Variants in TBP observed in about 807,000 individuals in gnomAD.
The protein encoded by TBP is TATA-box binding protein.
A neutral mutation model predicts 46.2 loss-of-function variants in TBP; 12 were observed. The observed-to-expected ratio is 0.26, with a 90% confidence interval of 0.17 to 0.42. The LOEUF (loss-of-function observed/expected upper bound fraction) is 0.42. Ranked by LOEUF, TBP falls within the 10% of genes least tolerant of loss-of-function variation. TBP has a pLI of 1.00. For synonymous variants in TBP, 157 were observed against 148.3 expected, an observed-to-expected ratio of 1.06 and a Z score of -0.42; for missense variants, 229 against 403.1, an observed-to-expected ratio of 0.57 and a Z score of 3.70.
rs1015371268 is a variant in TBP at position 170,563,131 on chromosome 6, T to C, written c.497+898T>C. On this transcript the variant is annotated intron_variant, in intron 3 of 7. Coordinates refer to ENST00000392092, the MANE Select transcript of TBP (RefSeq NM_003194.5). ...ACACACAATTTTAAAAACAAAGTAATTTTAGTGATTTTAGAGAGAGCCCTT... is the reference window on the plus strand; with the variant it reads ...ACACACAATTTTAAAAACAAAGTAACTTTAGTGATTTTAGAGAGAGCCCTT... Among the ~76,000 whole-genome samples, 6 of 152,326 alleles carry C rather than the reference T, an allele frequency of 3.9e-5. No individual in the cohort carries two copies. The South Asian group carries it at 1.2e-3, about 32-fold the overall frequency.
At chr6:170,555,199 G>A (rs116503181) in intron 1 of TBP, among the ~76,000 whole-genome samples, 3,409 of 152,202 alleles carry the variant, frequency 0.022, 142 homozygotes, top group African/African-American at 0.079. Context: ...GCAAAAAGTG[G>A]CCTGAAGCCA....
Position 170,561,969 on chromosome 6 carries a change from AGCAG to A in TBP, c.234_237del (p.Gln78HisfsTer65). On this transcript the variant is annotated frameshift_variant, in exon 3 of 8. Transcript: ENST00000392092. LOFTEE classifies it high-confidence loss of function. ...CAGCAGCAACAGCAACAGCAGCAGCAGCAGCAGCAGCAGCAGCAGCAGCAGCAGC... is the reference window on the plus strand; with the variant it reads ...CAGCAGCAACAGCAACAGCAGCAGCACAGCAGCAGCAGCAGCAGCAGCAGC... 6 of 1,094,020 alleles carry A rather than the reference AGCAG, an allele frequency of 5.5e-6. No homozygotes were observed. The South Asian group carries it at 1.1e-4, about 19-fold the overall frequency. 67.8% of individuals were successfully genotyped at this position (1,094,020 alleles called of 1,614,324 possible).
chr6:170,572,463 C>T lies in TBP; in HGVS notation c.*198C>T, dbSNP rs980597737. 2.0e-5 allele frequency: 12 copies of T among 596,496 alleles called. No homozygotes were observed. The highest frequency in any genetic ancestry group is 3.1e-4 in the Middle Eastern group (1 of 3,272). The allele number at this position is 596,496 out of a possible 1,614,324, so 37.0% of individuals were successfully genotyped here. ...GGCATTATTTGTGCACTGAGAACAC[C>T]GCGCAGCGTGACTGTGAGTTGCTCA... On this transcript the variant is annotated 3_prime_UTR_variant, in exon 8 of 8. Coordinates refer to ENST00000392092, the MANE Select transcript of TBP (RefSeq NM_003194.5).
chr6:170,567,029 T>C lies in TBP; in HGVS notation c.677+20T>C, dbSNP rs752841089. On this transcript the variant is annotated intron_variant, in intron 5 of 7. Transcript: ENST00000392092. Reference sequence around the variant, plus strand: ...CAAGAGGTAGCCGTAAGAAATTCATTCTTCTGGTCTATGGGTTATGAATGA... The same window carrying C: ...CAAGAGGTAGCCGTAAGAAATTCATCCTTCTGGTCTATGGGTTATGAATGA... 6.2e-6 allele frequency: 10 copies of C among 1,603,794 alleles called. No homozygotes were observed. Among genetic ancestry groups the C allele is most frequent in the Non-Finnish European group, 7.7e-6 (9 of 1,172,586 alleles).
rs139744657 is a variant in TBP, at chr6:170,571,676, G to A, written c.940+172G>A. On this transcript the variant is annotated intron_variant, in intron 7 of 7. Transcript: ENST00000392092. ...GCCCACTAAAGGCACAGTGAGAGCA[G>A]GGAAGTCTGACCACAGCTCTGCAAG... Among the ~76,000 whole-genome samples, 19 of 152,254 alleles carry A rather than the reference G, an allele frequency of 1.2e-4. No individual in the cohort carries two copies. In the East Asian group the frequency reaches 2.9e-3, roughly 23 times the overall value.
chr6:170,562,299 T>G, intron 3 of TBP, 66 bp downstream of exon 3: 1 of 1,488,054 alleles, frequency 6.7e-7, no homozygotes, highest in Non-Finnish European at 9.2e-7. Flanking sequence ...TCCTGCTCTG[T>G]TTTCAGATGG....
chr6:170,555,211 C>G (rs754456819), intron 1 of TBP, among the ~76,000 whole-genome samples: 1 of 152,174 alleles, frequency 6.6e-6, no homozygotes, highest in Non-Finnish European at 1.5e-5. Flanking sequence ...CTGAAGCCAC[C>G]GAAGGTCCTG....
chr6:170,572,035 A>C, intron 7 of TBP, 151 bp from the exon 8 acceptor site: 1 of 677,894 alleles, frequency 1.5e-6, no homozygotes, highest in Non-Finnish European at 2.6e-6. Context: ...GTGACAAGGG[A>C]TTCCACTATT....
intron 1 of TBP, among the ~76,000 whole-genome samples, chr6:170,555,373 A>G (rs1398075481): frequency 6.6e-6 from 1 of 152,218 alleles, no homozygotes; most frequent in African/African-American, 2.4e-5. Context: ...TTCATACTGC[A>G]CTTCCGAAAT....
chr6:170,571,470 C>T lies in TBP; in HGVS notation c.906C>T (p.Leu302=). 6.2e-7 allele frequency: 1 copy of T among 1,613,882 alleles called. No homozygotes were observed. The change falls in exon 7 of 8, where the codon CTC becomes CTT. Residue 302 remains leucine (L), a synonymous_variant. Coordinates refer to ENST00000392092, the MANE Select transcript of TBP (RefSeq NM_003194.5). ...IYRMIKPRIV[L]LIFVSGKVVL... ...GAATGATCAAACCCAGAATTGTTCT[C>T]CTTATTTTTGTTTCTGGAAAAGTTG...
rs1491092074 is a variant in TBP at position 170,561,939 on chromosome 6, AGC to A, written c.204_205del (p.Gln69AlafsTer108). ...CAGCAACAACAACAGCAGCAGCAGC[AGC>A]AGCAGCAGCAACAGCAACAGCAGCA... On this transcript the variant is annotated frameshift_variant, in exon 3 of 8. Transcript: ENST00000392092. LOFTEE classifies it high-confidence loss of function. The A allele has an allele frequency of 1.9e-5, 30 of 1,589,272 alleles. No homozygotes were observed. Among genetic ancestry groups the A allele is most frequent in the Non-Finnish European group, 2.5e-5 (29 of 1,170,506 alleles).
At position 170,569,690 on chromosome 6, in the gene TBP, C is replaced by A. The variant is rs759710446; in HGVS notation, c.756C>A (p.Asp252Glu). The A allele has an allele frequency of 6.2e-7, 1 of 1,614,088 alleles. No individual in the cohort carries two copies. The highest frequency in any genetic ancestry group is 1.1e-5 in the South Asian group (1 of 91,078). The change falls in exon 6 of 8, where the codon GAC becomes GAA. Residue 252 changes from aspartate (D) to glutamate (E), a missense_variant. Asp to Glu is a conservative substitution (Grantham distance 45, BLOSUM62 2). Coordinates refer to ENST00000392092, the MANE Select transcript of TBP (RefSeq NM_003194.5). ...QKLGFPAKFL[D>E]FKIQNMVGSC... The stretch of plus-strand genomic sequence containing the variant: ...TGGGTTTTCCAGCTAAGTTCTTGGA[C>A]TTCAAGATTCAGAATATGGTGGGGA...
At chr6:170,564,462 G>T (rs918327242) in intron 3 of TBP, 83 bp from the exon 4 acceptor site, 2 of 915,708 alleles carry the variant, frequency 2.2e-6, no homozygotes, top group Admixed American at 2.5e-5. Context: ...GAAATAATCA[G>T]ATGTCTGCAT....
At chr6:170,569,855 AT>A in intron 6 of TBP, 76 bp downstream of exon 6, 1 of 1,368,858 alleles carries the variant, frequency 7.3e-7, no homozygotes, top group Non-Finnish European at 1.0e-6. Context: ...AATAAAACAC[AT>A]GCAAAATATT....
chr6:170,568,763 C>G (rs1187023189), intron 5 of TBP, among the ~76,000 whole-genome samples: 3 of 146,122 alleles, frequency 2.1e-5, no homozygotes, highest in Middle Eastern at 3.5e-3. Flanking sequence ...TGCCTGCCTG[C>G]CTTTTTCTCT....
chr6:170,563,527 A>G (rs1422097296), intron 3 of TBP, among the ~76,000 whole-genome samples: 2 of 152,244 alleles, frequency 1.3e-5, no homozygotes, highest in Non-Finnish European at 2.9e-5. Flanking sequence ...AAGTGGACAA[A>G]TGCTAAAGGC....
In TBP at chr6:170,558,986, A is replaced by G. The variant is rs138627335; in HGVS notation, c.54+1903A>G. ...AGGCATGAGCCACTGTGCCTAGTCAAACCTTTTCATTATTATCTGTTATTG... is the reference window on the plus strand; with the variant it reads ...AGGCATGAGCCACTGTGCCTAGTCAGACCTTTTCATTATTATCTGTTATTG... On this transcript the variant is annotated intron_variant, in intron 2 of 7. Transcript: ENST00000392092. Among the ~76,000 whole-genome samples, 364 of 152,296 alleles carry G rather than the reference A, an allele frequency of 2.4e-3. 2 individuals are homozygous for G. Among genetic ancestry groups the G allele is most frequent in the African/African-American group, 8.4e-3 (348 of 41,558 alleles).
In TBP at chr6:170,561,991, GCA is replaced by G; in HGVS notation, c.256_257del (p.Gln86AlafsTer91). 6.3e-7 allele frequency: 1 copy of G among 1,596,500 alleles called. No homozygotes were observed. The highest frequency in any genetic ancestry group is 8.6e-7 in the Non-Finnish European group (1 of 1,168,148). On this transcript the variant is annotated frameshift_variant, in exon 3 of 8. Coordinates refer to ENST00000392092, the MANE Select transcript of TBP (RefSeq NM_003194.5). LOFTEE classifies it high-confidence loss of function. Reference sequence around the variant, plus strand: ...AGCAGCAGCAGCAGCAGCAGCAGCAGCAGCAGCAGCAGCAGCAGCAGCAGCAA... The same window carrying G: ...AGCAGCAGCAGCAGCAGCAGCAGCAGGCAGCAGCAGCAGCAGCAGCAGCAA... ...QQQQQQQQQQ[Q>X]QQQQQQQQQA...
At position 170,572,270 on chromosome 6, in the gene TBP, T is replaced by G; in HGVS notation, c.*5T>G. The stretch of plus-strand genomic sequence containing the variant: ...GGATTCAGGAAGACGACGTAATGGC[T>G]CTCATGTACCCTTGCCTCCCCCACC... On this transcript the variant is annotated 3_prime_UTR_variant, in exon 8 of 8. Transcript: ENST00000392092. 1.2e-6 allele frequency: 2 copies of G among 1,609,722 alleles called. No individual in the cohort carries two copies. Among genetic ancestry groups the G allele is most frequent in the South Asian group, 1.1e-5 (1 of 90,854 alleles).
Sources: gnomAD v4.1 joint callset for allele counts (sites outside exome capture counted in the v4.1 genomes callset) on GRCh38, gnomAD v4.1.1 for gene constraint, MANE v1.5 for transcripts, NCBI Gene and HGNC (gene_info 2026-07-23, HGNC 2026-07-21) for gene names.